The following AEBP2 variants were observed in gnomAD, a reference collection of about 807,000 sequenced individuals.
AEBP2 encodes zinc finger protein AEBP2.
In AEBP2, 10 loss-of-function variants were observed where a neutral mutation model predicts 50.8. That is an observed-to-expected ratio of 0.20 (90% CI 0.12 to 0.33). The LOEUF is 0.33. AEBP2 is among the 10% of genes least tolerant of loss of function. The probability of loss-of-function intolerance (pLI) is 1.00; values close to 1 mark genes in which losing one functional copy is unlikely to be tolerated. For synonymous variants in AEBP2, 296 were observed against 261.3 expected (o/e 1.13, Z -1.28); for missense variants, 570 against 688.0 (o/e 0.83, Z 1.92).
Position 19,521,351 on chromosome 12 carries a change from T to C in AEBP2, c.*3234T>C, listed in dbSNP as rs1437575227. ...AACAAATGGTGGTTTTTGGAAACTT[T>C]TACGGTGGGTTTTTAAAGTTATTAA... On this transcript the variant is annotated 3_prime_UTR_variant, in exon 8 of 8. Coordinates refer to ENST00000266508, the MANE Select transcript of AEBP2 (RefSeq NM_153207.5). The C allele has an allele frequency of 6.6e-6, 1 of 152,168 alleles. No individual in the cohort carries two copies. The highest frequency in any genetic ancestry group is 6.5e-5 in the Admixed American group (1 of 15,272). The allele number at this position is 152,168 out of a possible 1,614,324, so 9.4% of individuals were successfully genotyped here. A position where few individuals can be genotyped will look rare whatever the true frequency, so the allele number is the denominator to read the frequency against.
At chr12:19,504,211 G>A (rs972567402) in intron 5 of AEBP2, among the ~76,000 whole-genome samples, 2 of 151,134 alleles carry the variant, frequency 1.3e-5, no homozygotes, top group Non-Finnish European at 2.9e-5. Context: ...AGGTTGTATT[G>A]TCTTTCCTAT....
intron 1 of AEBP2, among the ~76,000 whole-genome samples, chr12:19,446,588 T>G (rs2153367181): frequency 6.6e-6 from 1 of 152,064 alleles, no homozygotes. Context: ...AAAAATTAGC[T>G]GGGCGTGGTG....
chr12:19,420,905 T>C (rs2095745346), intron 1 of AEBP2, among the ~76,000 whole-genome samples: 1 of 152,060 alleles, frequency 6.6e-6, no homozygotes, highest in South Asian at 2.1e-4. Flanking sequence ...GCACAGCCAA[T>C]CCTAGTAAAT....
intron 1 of AEBP2, chr12:19,457,693 C>G: frequency 8.5e-7 from 1 of 1,180,960 alleles, no homozygotes; most frequent in Non-Finnish European, 1.1e-6. Context: ...GTTCTGGCGG[C>G]AAACCCATTG....
chr12:19,440,548 T>A (rs1200606206), intron 1 of AEBP2, 178 bp downstream of exon 1: 4 of 1,379,754 alleles, frequency 2.9e-6, no homozygotes, highest in Admixed American at 2.9e-5. Context: ...TCGCAGCGCA[T>A]CGCGGCTTCC....
At chr12:19,485,952 T>C (rs867741268) in intron 3 of AEBP2, among the ~76,000 whole-genome samples, 383 of 145,972 alleles carry the variant, frequency 2.6e-3, no homozygotes, top group African/African-American at 9.2e-3. Flanking sequence ...CCTCTGCTTT[T>C]TTTTTTTTTT....
intron 2 of AEBP2, among the ~76,000 whole-genome samples, chr12:19,470,190 G>A (rs927073392): frequency 2.1e-5 from 3 of 146,132 alleles, no homozygotes; most frequent in Non-Finnish European, 4.5e-5. Flanking sequence ...ACGGAGTTTT[G>A]CTTTGAGTGC....
At chr12:19,512,633 G>A (rs1372635150) in intron 6 of AEBP2, among the ~76,000 whole-genome samples, 168 bp downstream of exon 6, 2 of 151,492 alleles carry the variant, frequency 1.3e-5, no homozygotes, top group Admixed American at 6.6e-5. Flanking sequence ...ACACTATCAG[G>A]TTCACGTTTT....
chr12:19,517,508 A>G (rs895789061), intron 7 of AEBP2, among the ~76,000 whole-genome samples: 1 of 152,250 alleles, frequency 6.6e-6, no homozygotes, highest in African/African-American at 2.4e-5. Context: ...TTATATTGTT[A>G]TAAGTAATCT....
chr12:19,509,709 T>C (rs1949204653), intron 5 of AEBP2, among the ~76,000 whole-genome samples: 1 of 151,978 alleles, frequency 6.6e-6, no homozygotes, highest in Non-Finnish European at 1.5e-5. Context: ...ATTATGTCAC[T>C]GCACTGCCTG....
intron 2 of AEBP2, among the ~76,000 whole-genome samples, chr12:19,472,539 C>G (rs960355990): frequency 5.3e-5 from 8 of 152,114 alleles, no homozygotes; most frequent in Admixed American, 4.6e-4. Context: ...AGTAGGGTAG[C>G]TCATGTCTGT....
intron 1 of AEBP2, among the ~76,000 whole-genome samples, chr12:19,407,419 T>C (rs1048199050): frequency 6.6e-6 from 1 of 152,128 alleles, no homozygotes; most frequent in African/African-American, 2.4e-5. Context: ...TTCTCCTGCC[T>C]CAGCCTCCCA....
intron 3 of AEBP2, among the ~76,000 whole-genome samples, chr12:19,488,380 G>C (rs1050048175): frequency 6.7e-6 from 1 of 149,234 alleles, no homozygotes; most frequent in Non-Finnish European, 1.5e-5. Flanking sequence ...CGCTCACCTC[G>C]GCCTCCCAAA....
At chr12:19,487,175 G>C (rs988314604) in intron 3 of AEBP2, among the ~76,000 whole-genome samples, 2 of 152,046 alleles carry the variant, frequency 1.3e-5, no homozygotes, top group African/African-American at 4.8e-5. Context: ...AATATGTCTT[G>C]TGTTAGATAT....
chr12:19,440,832 A>G lies in AEBP2; in HGVS notation c.671+462A>G, dbSNP rs563157939. ...TGGATTTAACAGAACTTCCTTGTCCATGGGAGAGACCCCAGCTATCACTTT... is the reference window on the plus strand; with the variant it reads ...TGGATTTAACAGAACTTCCTTGTCCGTGGGAGAGACCCCAGCTATCACTTT... On this transcript the variant is annotated intron_variant, in intron 1 of 7. Transcript: ENST00000266508. The G allele has an allele frequency of 4.0e-3, 5,538 of 1,397,482 alleles. 19 individuals carry two copies. The highest frequency in any genetic ancestry group is 4.8e-3 in the Non-Finnish European group (4,949 of 1,026,398). 86.6% of individuals were successfully genotyped at this position (1,397,482 alleles called of 1,614,324 possible).
intron 1 of AEBP2, among the ~76,000 whole-genome samples, chr12:19,432,122 G>C (rs2095751724): frequency 6.6e-6 from 1 of 152,118 alleles, no homozygotes; most frequent in Non-Finnish European, 1.5e-5. Flanking sequence ...CATTTTAGTG[G>C]AAGAGAGAAT....
At chr12:19,489,168 A>T (rs1948859553) in intron 3 of AEBP2, among the ~76,000 whole-genome samples, 1 of 152,212 alleles carries the variant, frequency 6.6e-6, no homozygotes, top group Non-Finnish European at 1.5e-5. Context: ...CGTTTTTCAC[A>T]CTGCTATAAA....
intron 2 of AEBP2, among the ~76,000 whole-genome samples, chr12:19,465,000 G>C (rs1948445930): frequency 6.6e-6 from 1 of 152,114 alleles, no homozygotes; most frequent in Admixed American, 6.6e-5. Context: ...TGTCCCGTAA[G>C]TGTAATATTG....
intron 5 of AEBP2, among the ~76,000 whole-genome samples, chr12:19,501,157 C>G (rs1361334401): frequency 2.0e-5 from 3 of 152,024 alleles, no homozygotes; most frequent in African/African-American, 7.2e-5. Context: ...TGGCAAAACC[C>G]TGTCTCTACT....
Sources: gnomAD v4.1 joint callset for allele counts (sites outside exome capture counted in the v4.1 genomes callset) on GRCh38, gnomAD v4.1.1 for gene constraint, MANE v1.5 for transcripts, NCBI Gene and HGNC (gene_info 2026-07-23, HGNC 2026-07-21) for gene names.